Variants in UNC79 observed in about 807,000 individuals in gnomAD.
UNC79 encodes protein unc-79 homolog.
In UNC79, 37 loss-of-function variants were observed where a neutral mutation model predicts 283.1. The observed-to-expected ratio is 0.13, with a 90% confidence interval of 0.10 to 0.17. The LOEUF is 0.17. Among genes scored for constraint, UNC79 ranks in the 10% least tolerant of loss-of-function variants. The probability of loss-of-function intolerance (pLI) is 1.00; values close to 1 mark genes in which losing one functional copy is unlikely to be tolerated. For missense variants in UNC79, 2,272 were observed against 3,211.1 expected, an observed-to-expected ratio of 0.71 and a Z score of 7.07; for synonymous variants, 1,107 against 1,200.2, an observed-to-expected ratio of 0.92 and a Z score of 1.61.
At chr14:93,548,957 G>C (rs1292002353) in intron 14 of UNC79, among the ~76,000 whole-genome samples, 1 of 152,042 alleles carries the variant, frequency 6.6e-6, no homozygotes, top group East Asian at 1.9e-4. Context: ...AGCAAATTTT[G>C]TGAATATACA....
intron 10 of UNC79, 124 bp downstream of exon 10, chr14:93,529,450 T>C (rs1595759198): frequency 4.9e-6 from 5 of 1,016,732 alleles, no homozygotes; most frequent in South Asian, 3.4e-5. Context: ...TGTATGAATA[T>C]TCATTGATAT....
At chr14:93,414,852 A>G (rs1404924748) in intron 1 of UNC79, among the ~76,000 whole-genome samples, 2 of 152,236 alleles carry the variant, frequency 1.3e-5, no homozygotes, top group Middle Eastern at 6.8e-3. Flanking sequence ...AATGCTTGTG[A>G]TTTTTGTACA....
At chr14:93,643,827 C>T (rs985200511) in intron 34 of UNC79, 130 bp downstream of exon 37, 1 of 1,367,338 alleles carries the variant, frequency 7.3e-7, no homozygotes, top group Non-Finnish European at 9.9e-7. Context: ...GACATCAACT[C>T]AGACTAGTTT....
chr14:93,571,789 T>C, intron 14 of UNC79, 105 bp from the exon 15 acceptor site: 1 of 1,185,428 alleles, frequency 8.4e-7, no homozygotes, highest in Non-Finnish European at 1.2e-6. Context: ...TCAGACATGA[T>C]GGATTGTGGC....
intron 1 of UNC79, among the ~76,000 whole-genome samples, chr14:93,398,914 A>G (rs2055049756): frequency 1.3e-5 from 2 of 152,180 alleles, no homozygotes; most frequent in African/African-American, 4.8e-5. Flanking sequence ...AACATGGTGT[A>G]TTAGTCCATT....
intron 4 of UNC79, among the ~76,000 whole-genome samples, chr14:93,479,013 AC>A (rs2057960619): frequency 6.6e-6 from 1 of 152,244 alleles, no homozygotes; most frequent in South Asian, 2.1e-4. Context: ...TTCAAGTAAT[AC>A]AATATTTGAT....
In UNC79 at chr14:93,420,438, G is replaced by A. The variant is rs142688259; in HGVS notation, c.-350-47233G>A. On this transcript the variant is annotated intron_variant, in intron 1 of 49. Coordinates refer to the UNC79 transcript ENST00000256339. ...AGTAAATATATATGTACTCAATAGG[G>A]GAGTACCCAGATATATGAAGAAAAT... is the stretch of plus-strand genomic sequence containing the variant. 4.9e-3 allele frequency among the ~76,000 whole-genome samples: 740 copies of A among 151,640 alleles called. 5 individuals are homozygous for A. Among genetic ancestry groups the A allele is most frequent in the African/African-American group, 0.017 (693 of 41,428 alleles).
chr14:93,642,273 A>G (rs2069111796), intron 33 of UNC79, among the ~76,000 whole-genome samples: 1 of 151,872 alleles, frequency 6.6e-6, no homozygotes, highest in Non-Finnish European at 1.5e-5. Context: ...AAATACAAAA[A>G]AATTAGCTGG....
chr14:93,407,827 G>A (rs1205817591), intron 1 of UNC79, among the ~76,000 whole-genome samples: 1 of 152,118 alleles, frequency 6.6e-6, no homozygotes, highest in African/African-American at 2.4e-5. Flanking sequence ...AAGATCACAA[G>A]GAAGAGAGAT....
intron 26 of UNC79, among the ~76,000 whole-genome samples, chr14:93,604,163 T>A (rs528097456): frequency 7.1e-4 from 108 of 152,276 alleles, no homozygotes; most frequent in Non-Finnish European, 1.3e-3. Flanking sequence ...CTAATGAATA[T>A]GTTTAAATAT....
intron 7 of UNC79, among the ~76,000 whole-genome samples, chr14:93,498,392 T>G (rs1431537822): frequency 1.3e-5 from 2 of 151,760 alleles, no homozygotes; most frequent in Non-Finnish European, 2.9e-5. Context: ...ATTGAGACCA[T>G]CCTGGCCAAC....
chr14:93,615,920 T>C (rs1231964011), intron 27 of UNC79, among the ~76,000 whole-genome samples: 1 of 152,062 alleles, frequency 6.6e-6, no homozygotes, highest in Non-Finnish European at 1.5e-5. Flanking sequence ...TACTCACATA[T>C]GTATGTCTGT....
intron 27 of UNC79, among the ~76,000 whole-genome samples, chr14:93,616,504 G>T (rs1326125294): frequency 6.6e-6 from 1 of 151,618 alleles, no homozygotes; most frequent in Admixed American, 6.6e-5. Flanking sequence ...GAGTAGCTAG[G>T]ACTATAGGTG....
At chr14:93,591,060 C>G (rs2064637510) in intron 22 of UNC79, among the ~76,000 whole-genome samples, 1 of 152,208 alleles carries the variant, frequency 6.6e-6, no homozygotes, top group African/African-American at 2.4e-5. Context: ...CATTGTTACA[C>G]AGCTTATGAA....
chr14:93,682,338 C>A (rs2073913582), intron 41 of UNC79, among the ~76,000 whole-genome samples: 1 of 152,168 alleles, frequency 6.6e-6, no homozygotes, highest in South Asian at 2.1e-4. Context: ...CACAATAAAT[C>A]TGACAATGCT....
chr14:93,534,634 A>T (rs1183267753), intron 11 of UNC79, among the ~76,000 whole-genome samples: 1 of 152,194 alleles, frequency 6.6e-6, no homozygotes, highest in Admixed American at 6.5e-5. Context: ...AGGATCTTAG[A>T]GTCATAGACC....
chr14:93,588,290 A>C (rs2064359321), intron 22 of UNC79, among the ~76,000 whole-genome samples: 1 of 152,126 alleles, frequency 6.6e-6, no homozygotes, highest in African/African-American at 2.4e-5. Context: ...TTTGGAAAGC[A>C]CCCAAATTTA....
chr14:93,536,568 A>G lies in UNC79; in HGVS notation c.1123-1421A>G, dbSNP rs903817899. ...TCTACAATGGTATAATTCCATTAAAAACATGGGCTCTTATGTCTCAATTTA... is the reference window on the plus strand; with the variant it reads ...TCTACAATGGTATAATTCCATTAAAGACATGGGCTCTTATGTCTCAATTTA... On this transcript the variant is annotated intron_variant, in intron 11 of 48. Coordinates refer to ENST00000555664, the Ensembl canonical transcript of UNC79. 2.6e-5 allele frequency among the ~76,000 whole-genome samples: 4 copies of G among 152,184 alleles called. No individual in the cohort carries two copies. In the South Asian group the frequency reaches 8.3e-4, roughly 31 times the overall value.
intron 1 of UNC79, among the ~76,000 whole-genome samples, chr14:93,397,765 T>C (rs2055027418): frequency 6.6e-6 from 1 of 151,146 alleles, no homozygotes; most frequent in South Asian, 2.1e-4. Context: ...GGAGTCATTT[T>C]TTTTTTTTTT....
Sources: allele counts gnomAD v4.1 joint callset (sites outside exome capture counted in the v4.1 genomes callset), GRCh38; gene constraint gnomAD v4.1.1; transcripts MANE v1.5; gene names NCBI Gene and HGNC (gene_info 2026-07-23, HGNC 2026-07-21).